The following ATXN2 variants were observed in gnomAD, a reference collection of about 807,000 sequenced individuals.
ATXN2 encodes ataxin-2.
In ATXN2, 37 loss-of-function variants were observed where a neutral mutation model predicts 138.6. The observed-to-expected ratio is 0.27, with a 90% confidence interval of 0.21 to 0.35. ATXN2 has a LOEUF of 0.35. Ranked by LOEUF, ATXN2 falls within the 10% of genes least tolerant of loss-of-function variation. ATXN2 has a pLI of 1.00. For synonymous variants in ATXN2, 549 were observed against 543.7 expected, an observed-to-expected ratio of 1.01 and a Z score of -0.13; for missense variants, 1,216 against 1,480.3, an observed-to-expected ratio of 0.82 and a Z score of 2.93.
rs1469813854 is a variant in ATXN2 at position 111,598,339 on chromosome 12, G to A, written c.251+445C>T. 5 of 990,868 alleles carry A rather than the reference G, an allele frequency of 5.0e-6. No homozygotes were observed. The highest frequency in any genetic ancestry group is 4.5e-5 in the South Asian group (1 of 21,990). 61.4% of individuals were successfully genotyped at this position (990,868 alleles called of 1,614,324 possible). A position where few individuals can be genotyped will look rare whatever the true frequency, so the allele number is the denominator to read the frequency against. ...CTCCAGAGATGTCCCCCATGGAGGG[G>A]GACATGTTCCGGAAAACGCCACCAC... is the stretch of plus-strand genomic sequence containing the variant. On this transcript the variant is annotated intron_variant, in intron 1 of 24. Transcript: ENST00000673436. The surrounding 1 kb of genome is among the most constrained non-coding windows in gnomAD (Gnocchi z 4.5).
chr12:111,516,423 A>C lies in ATXN2; in HGVS notation c.1166-60T>G. 1.4e-5 allele frequency: 20 copies of C among 1,397,226 alleles called. No homozygotes were observed. The highest frequency in any genetic ancestry group is 2.5e-4 in the Middle Eastern group (1 of 4,010). 86.6% of individuals were successfully genotyped at this position (1,397,226 alleles called of 1,614,324 possible). A position where few individuals can be genotyped will look rare whatever the true frequency, so the allele number is the denominator to read the frequency against. ...AACTAAAGAAAAAAATGAGGGAAAAAAGTAAACAGAAAAAAAGTAAAATGA... is the reference window on the plus strand; with the variant it reads ...AACTAAAGAAAAAAATGAGGGAAAACAGTAAACAGAAAAAAAGTAAAATGA... On this transcript the variant is annotated intron_variant, in intron 9 of 24. Coordinates refer to ENST00000673436, the MANE Select transcript of ATXN2 (RefSeq NM_001372574.1). This position sits in a 1 kb window ranked among gnomAD's most constrained non-coding sequence, Gnocchi z 5.0.
chr12:111,593,979 TA>T (rs1450860696), intron 1 of ATXN2, among the ~76,000 whole-genome samples: 1 of 152,204 alleles, frequency 6.6e-6, no homozygotes, highest in Non-Finnish European at 1.5e-5. Context: ...GCTCAAATGT[TA>T]GCTCCTCAAT....
chr12:111,564,417 T>C (rs1199312094), intron 1 of ATXN2, among the ~76,000 whole-genome samples: 2 of 152,096 alleles, frequency 1.3e-5, no homozygotes, highest in Non-Finnish European at 2.9e-5. Flanking sequence ...TGGTCTGGCT[T>C]CTGGGCTAAG....
intron 1 of ATXN2, among the ~76,000 whole-genome samples, chr12:111,590,462 G>A (rs750983508): frequency 9.9e-5 from 15 of 151,666 alleles, no homozygotes; most frequent in African/African-American, 1.9e-4. Flanking sequence ...GCTGTTGGGC[G>A]GATCACAAGG....
intron 20 of ATXN2, among the ~76,000 whole-genome samples, chr12:111,467,026 A>G (rs996854843): frequency 5.3e-5 from 8 of 152,160 alleles, no homozygotes; most frequent in African/African-American, 1.7e-4. Flanking sequence ...ATTTGATATA[A>G]TAAGGCTTTG....
At chr12:111,460,339 G>A (rs768816420) in intron 21 of ATXN2, among the ~76,000 whole-genome samples, 10 of 152,186 alleles carry the variant, frequency 6.6e-5, no homozygotes, top group Non-Finnish European at 1.3e-4. Context: ...CTCCCAAAGT[G>A]CTGGGACTAC....
intron 18 of ATXN2, among the ~76,000 whole-genome samples, chr12:111,483,452 CTTTTTTTTTT>C (rs927752030): frequency 0.045 from 4,869 of 107,270 alleles, 325 homozygotes; most frequent in African/African-American, 0.17. Context: ...TAAAAGAACT[CTTTTTTTTTT>C]TTTTTTTTTT....
intron 18 of ATXN2, among the ~76,000 whole-genome samples, chr12:111,480,112 G>GTAAT (rs1308611979): frequency 6.6e-6 from 1 of 151,846 alleles, no homozygotes; most frequent in African/African-American, 2.4e-5. Flanking sequence ...GGAGCTAGTG[G>GTAAT]TAATAAAGTA....
intron 5 of ATXN2, among the ~76,000 whole-genome samples, chr12:111,551,793 A>C (rs1882135015): frequency 6.6e-6 from 1 of 152,198 alleles, no homozygotes; most frequent in Non-Finnish European, 1.5e-5. Context: ...TAAAGTTCTA[A>C]TTGTTTTCCA....
At chr12:111,510,030 T>A (rs1332409638) in intron 12 of ATXN2, 32 bp from the exon 13 acceptor site, 5 of 1,481,150 alleles carry the variant, frequency 3.4e-6, no homozygotes, top group Non-Finnish European at 4.6e-6. Context: ...AAAATTCAGA[T>A]AAGTTAGAAA....
At chr12:111,541,661 T>G (rs1268600352) in intron 5 of ATXN2, among the ~76,000 whole-genome samples, 1 of 149,446 alleles carries the variant, frequency 6.7e-6, no homozygotes, top group African/African-American at 2.4e-5. Context: ...TCTGACATAT[T>G]TTGTAGGGCA....
rs12315171 is a variant in ATXN2, at chr12:111,554,274, C to T, written c.289-57G>A. ...AAATTAGTACAAACTGAATCTTCCT[C>T]ATCTAAAATGCTTGGGACCAGAAGT... is the stretch of plus-strand genomic sequence containing the variant. On this transcript the variant is annotated intron_variant, in intron 2 of 24. Coordinates refer to ENST00000673436, the MANE Select transcript of ATXN2 (RefSeq NM_001372574.1). The T allele has an allele frequency of 0.021, 25,088 of 1,191,944 alleles. 3,974 individuals carry two copies. The African/African-American group carries it at 0.35, about 17-fold the overall frequency. The allele number at this position is 1,191,944 out of a possible 1,614,324, so 73.8% of individuals were successfully genotyped here.
chr12:111,513,061 A>AC (rs1312177673), intron 11 of ATXN2: 1 of 319,282 alleles, frequency 3.1e-6, no homozygotes, highest in Non-Finnish European at 5.7e-6. Flanking sequence ...ATATATCTGT[A>AC]TTTATGAACC....
chr12:111,460,115 T>C (rs1473554771), intron 21 of ATXN2, among the ~76,000 whole-genome samples: 1 of 152,056 alleles, frequency 6.6e-6, no homozygotes, highest in Non-Finnish European at 1.5e-5. Context: ...GGAGTCTCGC[T>C]CTGTTGCCCA....
intron 1 of ATXN2, among the ~76,000 whole-genome samples, chr12:111,587,388 G>T (rs964195301): frequency 2.0e-5 from 3 of 152,024 alleles, no homozygotes; most frequent in African/African-American, 7.2e-5. Context: ...GGCCAGCCAC[G>T]GTGCCTCACA....
chr12:111,462,907 T>C (rs1875687126), intron 21 of ATXN2, among the ~76,000 whole-genome samples: 1 of 152,022 alleles, frequency 6.6e-6, no homozygotes, highest in South Asian at 2.1e-4. Flanking sequence ...AGAGCATCTA[T>C]TAAAGGATTA....
At chr12:111,547,836 A>ATT (rs34988312) in intron 5 of ATXN2, among the ~76,000 whole-genome samples, 177 of 100,216 alleles carry the variant, frequency 1.8e-3, no homozygotes, top group African/African-American at 7.7e-3. Context: ...TTGCTTGAGA[A>ATT]TTTTTTTTTT....
intron 1 of ATXN2, among the ~76,000 whole-genome samples, chr12:111,562,629 A>G (rs1882758958): frequency 6.7e-6 from 1 of 149,846 alleles, no homozygotes; most frequent in Non-Finnish European, 1.5e-5. Context: ...CTGACGCAGG[A>G]GAACTGCTTG....
intron 1 of ATXN2, among the ~76,000 whole-genome samples, chr12:111,590,016 C>T (rs1024669552): frequency 1.3e-5 from 2 of 151,514 alleles, no homozygotes; most frequent in Non-Finnish European, 2.9e-5. Context: ...TCAAGACGAG[C>T]CTGGCCAACA....
Sources: gnomAD v4.1 joint callset for allele counts (sites outside exome capture counted in the v4.1 genomes callset) on GRCh38, gnomAD v4.1.1 for gene constraint, Gnocchi (gnomAD v3.1) non-coding constraint, MANE v1.5 for transcripts, NCBI Gene and HGNC (gene_info 2026-07-23, HGNC 2026-07-21) for gene names.